The following GDAP1 variants were observed in gnomAD, a reference collection of about 807,000 sequenced individuals.
GDAP1 encodes the protein ganglioside induced differentiation associated protein 1.
In GDAP1, 34 loss-of-function variants were observed where a neutral mutation model predicts 40.1. That is an observed-to-expected ratio of 0.85 (90% confidence interval 0.64 to 1.13). GDAP1 has a LOEUF of 1.13. Ranked by LOEUF, GDAP1 falls within the 50% of genes most tolerant of loss-of-function variation. GDAP1 has a pLI of 0.00. For synonymous variants in GDAP1, 170 were observed against 157.4 expected, an observed-to-expected ratio of 1.08 and a Z score of -0.60; for missense variants, 374 against 433.7, an observed-to-expected ratio of 0.86 and a Z score of 1.22.
At chr8:74,367,066 G>C, downstream of GDAP1, 1 of 162,070 alleles carries the variant, frequency 6.2e-6, no homozygotes, top group Admixed American at 7.3e-5. Flanking sequence ...CGGTTAAAAT[G>C]AATAGCGGCC....
At chr8:74,463,928 T>C (rs2131581155) in intron 2 of GDAP1, among the ~76,000 whole-genome samples, 1 of 69,738 alleles carries the variant, frequency 1.4e-5, no homozygotes, top group Admixed American at 1.9e-4. Flanking sequence ...TACTGAAATA[T>C]CTAGCATAAA....
intron 2 of GDAP1, among the ~76,000 whole-genome samples, chr8:74,447,264 A>G (rs1350842624): frequency 6.6e-6 from 1 of 152,098 alleles, no homozygotes; most frequent in Non-Finnish European, 1.5e-5. Flanking sequence ...ATTTTTTTCC[A>G]GATGCCGCTA....
chr8:74,360,410 A>G, intron 3 of GDAP1, 100 bp downstream of exon 3: 2 of 1,045,082 alleles, frequency 1.9e-6, no homozygotes, highest in East Asian at 2.4e-5. Context: ...AAGATTGGGA[A>G]TAGGGTTGTT....
At chr8:74,463,767 C>T (rs1290038713) in intron 2 of GDAP1, among the ~76,000 whole-genome samples, 1 of 152,096 alleles carries the variant, frequency 6.6e-6, no homozygotes, top group Non-Finnish European at 1.5e-5. Context: ...ATGGTTACTA[C>T]CACAATTACA....
intron 2 of GDAP1, among the ~76,000 whole-genome samples, chr8:74,403,084 C>CTA: frequency 6.7e-6 from 1 of 150,054 alleles, no homozygotes; most frequent in Non-Finnish European, 1.5e-5. Context: ...TAATAGTGCC[C>CTA]AAACAATCTG....
chr8:74,352,215 C>T (rs917241848), intron 2 of GDAP1, among the ~76,000 whole-genome samples: 4 of 152,200 alleles, frequency 2.6e-5, no homozygotes, highest in African/African-American at 7.2e-5. Context: ...TTGCCACTTA[C>T]ACATTGTCTT....
intron 2 of GDAP1, among the ~76,000 whole-genome samples, chr8:74,424,080 T>C (rs11777305): frequency 0.44 from 66,301 of 151,498 alleles, 15,467 homozygotes; most frequent in African/African-American, 0.62. Flanking sequence ...CCAAAATCTT[T>C]AGATGCTCAA....
At position 74,398,980 on chromosome 8, in the gene GDAP1, T is replaced by C. The variant is rs539801291; in HGVS notation, c.165+47659T>C. ...ATTTTATTGAGGATTTTTGCATCAA[T>C]GTTCATCAAGGATATTGATCTAAAA... is the stretch of plus-strand genomic sequence containing the variant. On this transcript the variant is annotated intron_variant, in intron 2 of 2. Transcript: ENST00000523640. 2.6e-5 allele frequency among the ~76,000 whole-genome samples: 4 copies of C among 152,286 alleles called. No homozygotes were observed. In the South Asian group the frequency reaches 8.3e-4, roughly 32 times the overall value.
rs541707388 is a variant in GDAP1 at position 74,400,114 on chromosome 8, G to T, written c.165+48793G>T. Among the ~76,000 whole-genome samples the T allele has an allele frequency of 4.0e-3, 598 of 149,170 alleles. 48 individuals are homozygous for T. The highest frequency in any genetic ancestry group is 0.014 in the African/African-American group (536 of 38,690). On this transcript the variant is annotated intron_variant, in intron 2 of 2. Transcript: ENST00000523640. ...AATTCCTGGGTATCCTTGTTGACTT[G>T]CTGTCTCGTTGATCTGTCTAATGTT...
chr8:74,479,762 G>A (rs1806682879), intron 2 of GDAP1, among the ~76,000 whole-genome samples: 1 of 152,052 alleles, frequency 6.6e-6, no homozygotes, highest in African/African-American at 2.4e-5. Flanking sequence ...AGGGTGTCAG[G>A]GTTGCTAGGC....
intron 2 of GDAP1, among the ~76,000 whole-genome samples, chr8:74,412,595 G>A (rs1805728161): frequency 2.7e-5 from 4 of 150,010 alleles, no homozygotes; most frequent in Admixed American, 2.6e-4. Flanking sequence ...TAGACGCAAA[G>A]TATTAAGAGA....
chr8:74,369,640 T>C (rs1809715419), downstream of GDAP1, among the ~76,000 whole-genome samples: 1 of 151,330 alleles, frequency 6.6e-6, no homozygotes, highest in African/African-American at 2.4e-5. Context: ...TGTGTGCATA[T>C]ATATATATAT....
At chr8:74,486,621 G>T (rs1234341643) in intron 2 of GDAP1, among the ~76,000 whole-genome samples, 1 of 152,182 alleles carries the variant, frequency 6.6e-6, no homozygotes, top group Non-Finnish European at 1.5e-5. Context: ...GCACTGTTGG[G>T]AGTTATGAAG....
intron 2 of GDAP1, among the ~76,000 whole-genome samples, chr8:74,372,708 C>T (rs1416321036): frequency 6.6e-5 from 10 of 152,246 alleles, no homozygotes; most frequent in South Asian, 6.2e-4. Flanking sequence ...TTCTCCCTTT[C>T]TATAGGTTGC....
intron 3 of GDAP1, 135 bp from the exon 4 acceptor site, chr8:74,361,749 G>A: frequency 1.4e-6 from 1 of 690,022 alleles, no homozygotes; most frequent in Non-Finnish European, 2.6e-6. Flanking sequence ...GCATAGACAG[G>A]GTAAGCCCAA....
chr8:74,391,684 T>G (rs959109508), intron 2 of GDAP1, among the ~76,000 whole-genome samples: 1 of 152,084 alleles, frequency 6.6e-6, no homozygotes, highest in Non-Finnish European at 1.5e-5. Context: ...TATCAATCAG[T>G]TATGGTCAAA....
intron 2 of GDAP1, among the ~76,000 whole-genome samples, chr8:74,457,070 AT>A (rs1250674533): frequency 3.3e-5 from 5 of 152,112 alleles, no homozygotes; most frequent in African/African-American, 1.2e-4. Context: ...GCCCAGCAAA[AT>A]TTATTCATTG....
In GDAP1 at chr8:74,350,434, G is replaced by C; in HGVS notation, c.-28G>C. On this transcript the variant is annotated 5_prime_UTR_variant, in exon 1 of 6. Coordinates refer to ENST00000220822, the MANE Select transcript of GDAP1 (RefSeq NM_018972.4). Reference sequence around the variant, plus strand: ...GGGAGAAGTCCAGGGCGGACAGGCTGGGCGCACCCGTGCTCGCGCACCCCA... The same window carrying C: ...GGGAGAAGTCCAGGGCGGACAGGCTCGGCGCACCCGTGCTCGCGCACCCCA... The C allele has an allele frequency of 7.2e-7, 1 of 1,396,194 alleles. No individual in the cohort carries two copies. Among genetic ancestry groups the C allele is most frequent in the Non-Finnish European group, 1.0e-6 (1 of 984,634 alleles). The allele number at this position is 1,396,194 out of a possible 1,614,324, so 86.5% of individuals were successfully genotyped here. A position where few individuals can be genotyped will look rare whatever the true frequency, so the allele number is the denominator to read the frequency against.
At position 74,450,187 on chromosome 8, in the gene GDAP1, T is replaced by G. The variant is rs528330170; in HGVS notation, c.166-38491T>G. On this transcript the variant is annotated intron_variant, in intron 2 of 2. Coordinates refer to the GDAP1 transcript ENST00000523640. ...TTGACTTCCCATTTAATTCCACTGT[T>G]GTTAGATAACGTGTTCTGTAAGATT... Among the ~76,000 whole-genome samples, 9 of 151,894 alleles carry G rather than the reference T, an allele frequency of 5.9e-5. No homozygotes were observed. In the East Asian group the frequency reaches 1.7e-3, roughly 29 times the overall value.
Sources: allele counts gnomAD v4.1 joint callset (sites outside exome capture counted in the v4.1 genomes callset), GRCh38; gene constraint gnomAD v4.1.1; transcripts MANE v1.5; gene names NCBI Gene and HGNC (gene_info 2026-07-23, HGNC 2026-07-21).